Variants in ACBD3 observed in about 807,000 individuals in gnomAD.
ACBD3 encodes Golgi resident protein GCP60.
A neutral mutation model predicts 66.9 loss-of-function variants in ACBD3; 30 were observed. The ratio of observed to expected loss-of-function variants is 0.45; its 90% confidence interval spans 0.34 to 0.61. The LOEUF (loss-of-function observed/expected upper bound fraction) is 0.61. ACBD3 is among the 20% of genes least tolerant of loss of function. The pLI is 0.02. For missense variants in ACBD3, 544 were observed against 664.5 expected, an observed-to-expected ratio of 0.82 and a Z score of 1.99; for synonymous variants, 278 against 259.8, an observed-to-expected ratio of 1.07 and a Z score of -0.68.
chr1:226,153,773 A>G (rs1659620227), intron 6 of ACBD3, among the ~76,000 whole-genome samples: 1 of 152,202 alleles, frequency 6.6e-6, no homozygotes. Flanking sequence ...ATCTATTTCT[A>G]TGGTAGCCAG....
chr1:226,161,433 C>T (rs755577170), intron 4 of ACBD3, 98 bp downstream of exon 4: 111 of 1,541,326 alleles, frequency 7.2e-5, no homozygotes, highest in African/African-American at 1.4e-4. Context: ...GCTGGGATTA[C>T]AGGCGTGAAC....
chr1:226,164,989 T>C, intron 2 of ACBD3, 60 bp from the exon 3 acceptor site: 1 of 1,447,624 alleles, frequency 6.9e-7, no homozygotes, highest in South Asian at 1.6e-5. Context: ...ACTTTTAAAT[T>C]TAAACCTAAA....
At chr1:226,169,779 T>C (rs1203769027) in intron 1 of ACBD3, among the ~76,000 whole-genome samples, 2 of 150,676 alleles carry the variant, frequency 1.3e-5, no homozygotes, top group African/African-American at 4.9e-5. Flanking sequence ...CCCAGCACTT[T>C]GGGAGGCCAA....
chr1:226,173,029 G>A (rs1417618141), intron 1 of ACBD3, among the ~76,000 whole-genome samples: 1 of 152,110 alleles, frequency 6.6e-6, no homozygotes, highest in Non-Finnish European at 1.5e-5. Context: ...ACTTTGGAAA[G>A]CTAGGGCAGG....
intron 4 of ACBD3, 21 bp downstream of exon 4, chr1:226,161,510 T>C: frequency 6.2e-7 from 1 of 1,609,052 alleles, no homozygotes; most frequent in Non-Finnish European, 8.5e-7. Flanking sequence ...TTTTAAAACA[T>C]AAGCCACATA....
intron 2 of ACBD3, among the ~76,000 whole-genome samples, chr1:226,165,525 C>CT (rs1659861214): frequency 6.6e-6 from 1 of 152,130 alleles, no homozygotes; most frequent in African/African-American, 2.4e-5. Flanking sequence ...TCAATGTATT[C>CT]TTTTTTTGTC....
chr1:226,156,822 A>G (rs188016615), intron 5 of ACBD3, among the ~76,000 whole-genome samples: 1 of 152,224 alleles, frequency 6.6e-6, no homozygotes, highest in East Asian at 1.9e-4. Context: ...CATTCACTGC[A>G]TGACAGGAAA....
chr1:226,145,739 AT>A lies in ACBD3; in HGVS notation c.*870del, dbSNP rs1659435080. The A allele has an allele frequency of 6.6e-6, 1 of 152,632 alleles. No homozygotes were observed. The highest frequency in any genetic ancestry group is 1.5e-5 in the Non-Finnish European group (1 of 68,026). The allele number at this position is 152,632 out of a possible 1,614,324, so 9.5% of individuals were successfully genotyped here. A position where few individuals can be genotyped will look rare whatever the true frequency, so the allele number is the denominator to read the frequency against. On this transcript the variant is annotated 3_prime_UTR_variant, in exon 8 of 8. Coordinates refer to ENST00000366812, the MANE Select transcript of ACBD3 (RefSeq NM_022735.4). The stretch of plus-strand genomic sequence containing the variant: ...TGCTGAATTATATTTAAATGATTTT[AT>A]GTATTTTAATTCAGTAGGTGCCAAT...
chr1:226,168,354 G>A (rs970437259), intron 1 of ACBD3, among the ~76,000 whole-genome samples: 6 of 152,142 alleles, frequency 3.9e-5, no homozygotes, highest in Non-Finnish European at 8.8e-5. Context: ...AACTATAAAT[G>A]TGTATGCCCT....
chr1:226,181,381 GAC>G (rs1656167006), intron 1 of ACBD3, among the ~76,000 whole-genome samples: 1 of 152,086 alleles, frequency 6.6e-6, no homozygotes, highest in African/African-American at 2.4e-5. Flanking sequence ...GTTTAAAGAA[GAC>G]AAGAGGAAAT....
At chr1:226,168,715 C>A (rs1010244056) in intron 1 of ACBD3, among the ~76,000 whole-genome samples, 23 of 152,168 alleles carry the variant, frequency 1.5e-4, no homozygotes, top group African/African-American at 4.6e-4. Context: ...GTGCTGCCAG[C>A]TGTATAAAAG....
chr1:226,146,434 T>G lies in ACBD3; in HGVS notation c.*176A>C. On this transcript the variant is annotated 3_prime_UTR_variant, in exon 8 of 8. Coordinates refer to ENST00000366812, the MANE Select transcript of ACBD3 (RefSeq NM_022735.4). ...TGAGGAATCTCCTTTAACCCCAAAG[T>G]ATGAATGCTAAAGAGTCTCAAGGAA... is the stretch of plus-strand genomic sequence containing the variant. 1.6e-6 allele frequency: 1 copy of G among 609,312 alleles called. No homozygotes were observed. The highest frequency in any genetic ancestry group is 2.8e-5 in the East Asian group (1 of 35,170). The allele number at this position is 609,312 out of a possible 1,614,324, so 37.7% of individuals were successfully genotyped here.
intron 1 of ACBD3, among the ~76,000 whole-genome samples, chr1:226,185,764 C>G (rs1165361970): frequency 6.6e-6 from 1 of 152,178 alleles, no homozygotes; most frequent in East Asian, 1.9e-4. Flanking sequence ...AAAATTTTAA[C>G]CACCTAGAAG....
intron 3 of ACBD3, among the ~76,000 whole-genome samples, chr1:226,162,832 T>C (rs1659796284): frequency 6.6e-6 from 1 of 151,720 alleles, no homozygotes; most frequent in Non-Finnish European, 1.5e-5. Flanking sequence ...GGTCTCACTC[T>C]GTCACCCAGA....
intron 1 of ACBD3, among the ~76,000 whole-genome samples, chr1:226,182,076 CA>C (rs1656182429): frequency 6.6e-6 from 1 of 151,936 alleles, no homozygotes; most frequent in Non-Finnish European, 1.5e-5. Flanking sequence ...ACAAAAAATA[CA>C]AAAATTAGCC....
intron 1 of ACBD3, among the ~76,000 whole-genome samples, chr1:226,172,423 T>C (rs2102786699): frequency 6.6e-6 from 1 of 152,212 alleles, no homozygotes; most frequent in African/African-American, 2.4e-5. Flanking sequence ...AATTGCTCTA[T>C]CGCCAGCTGC....
Position 226,152,317 on chromosome 1 carries a change from A to G in ACBD3, c.1375+18T>C. The G allele has an allele frequency of 1.2e-6, 2 of 1,611,912 alleles. No homozygotes were observed. The highest frequency in any genetic ancestry group is 2.2e-5 in the South Asian group (2 of 90,936). On this transcript the variant is annotated intron_variant, in intron 7 of 7. Transcript: ENST00000366812. ...ACACACAACCCAGCAGCTACTGAAT[A>G]TGGACCAAGGGTTCTACCTTCTTCC...
In ACBD3 at chr1:226,154,868, A is replaced by C. The variant is rs779321379; in HGVS notation, c.904-35T>G. ...AAGAGAAAGTGAAGACACACTGACCAGGAAGGCTAGCAAATAAGACATCTG... is the reference window on the plus strand; with the variant it reads ...AAGAGAAAGTGAAGACACACTGACCCGGAAGGCTAGCAAATAAGACATCTG... On this transcript the variant is annotated intron_variant, in intron 5 of 7. Coordinates refer to ENST00000366812, the MANE Select transcript of ACBD3 (RefSeq NM_022735.4). 3.9e-6 allele frequency: 6 copies of C among 1,550,556 alleles called. No individual in the cohort carries two copies. The South Asian group carries it at 6.2e-5, about 16-fold the overall frequency.
intron 6 of ACBD3, 128 bp downstream of exon 6, chr1:226,154,519 T>TA (rs1659636544): frequency 1.8e-6 from 2 of 1,098,436 alleles, no homozygotes; most frequent in African/African-American, 1.6e-5. Flanking sequence ...CTAAAAAGAG[T>TA]AAAAAAATGT....
Sources: gnomAD v4.1 joint callset for allele counts (sites outside exome capture counted in the v4.1 genomes callset) on GRCh38, gnomAD v4.1.1 for gene constraint, MANE v1.5 for transcripts, NCBI Gene and HGNC (gene_info 2026-07-23, HGNC 2026-07-21) for gene names.